The following PTPRZ1 variants were observed in gnomAD, a reference collection of about 807,000 sequenced individuals.
The protein encoded by PTPRZ1 is receptor-type tyrosine-protein phosphatase zeta.
Under a neutral mutation model 214.1 loss-of-function variants are expected in PTPRZ1, and 82 were observed. The ratio of observed to expected loss-of-function variants is 0.38; its 90% CI spans 0.32 to 0.46. The LOEUF is 0.46. Ranked by LOEUF, PTPRZ1 falls within the 20% of genes least tolerant of loss-of-function variation. The pLI is 1.00. For synonymous variants in PTPRZ1, 945 were observed against 987.9 expected (o/e 0.96, Z 0.81); for missense variants, 2,603 against 2,748.7 (o/e 0.95, Z 1.19).
At chr7:122,060,585 G>C (rs1177763638) in intron 29 of PTPRZ1, among the ~76,000 whole-genome samples, 1 of 152,170 alleles carries the variant, frequency 6.6e-6, no homozygotes, top group African/African-American at 2.4e-5. Flanking sequence ...GACCAGTTGG[G>C]CTGATAGAAT....
rs1011735384 is a variant in PTPRZ1 at position 121,892,663 on chromosome 7, A to C, written c.58+19106A>C. Among the ~76,000 whole-genome samples the C allele has an allele frequency of 3.2e-4, 44 of 139,114 alleles. 2 individuals carry two copies. In the East Asian group the frequency reaches 8.9e-3, roughly 28 times the overall value. 91.3% of individuals were successfully genotyped at this position (139,114 alleles called of 152,430 possible). On this transcript the variant is annotated intron_variant, in intron 1 of 29. Transcript: ENST00000393386. ...AATCATTCTGCCTGATATATCTTAG[A>C]GTTCTTCAAGCATCTCATATATATA...
At chr7:121,998,205 A>G (rs546158001) in intron 10 of PTPRZ1, among the ~76,000 whole-genome samples, 199 bp downstream of exon 10, 149 of 152,286 alleles carry the variant, frequency 9.8e-4, no homozygotes, top group African/African-American at 3.2e-3. Flanking sequence ...CAATAAGTAA[A>G]CTTATCCTTA....
chr7:121,935,433 G>T (rs1327147635), intron 2 of PTPRZ1, among the ~76,000 whole-genome samples: 5 of 152,106 alleles, frequency 3.3e-5, no homozygotes, highest in African/African-American at 9.7e-5. Flanking sequence ...TCTGGGCTTT[G>T]TGTAGGACGC....
At chr7:122,010,243 A>G (rs917909437) in intron 11 of PTPRZ1, 91 bp from the exon 12 acceptor site, 1 of 1,271,736 alleles carries the variant, frequency 7.9e-7, no homozygotes, top group Non-Finnish European at 1.1e-6. Context: ...TTCCCAAGAT[A>G]CCACAAGTGA....
rs949722546 is a variant in PTPRZ1, at chr7:122,059,898, A to G, written c.6807+10A>G. The G allele has an allele frequency of 2.4e-5, 39 of 1,604,996 alleles. No homozygotes were observed. Among genetic ancestry groups the G allele is most frequent in the Non-Finnish European group, 3.2e-5 (38 of 1,177,132 alleles). ...AGTCTTTGCTGACATTGTAAGTAACAAGGCAGTGAACGAAATTTTTCACTG... is the reference window on the plus strand; with the variant it reads ...AGTCTTTGCTGACATTGTAAGTAACGAGGCAGTGAACGAAATTTTTCACTG... On this transcript the variant is annotated intron_variant, in intron 29 of 29. Transcript: ENST00000393386.
chr7:121,928,171 ACT>A lies in PTPRZ1; in HGVS notation c.75_76del (p.Tyr25Ter), dbSNP rs1795819695. 1 of 1,612,040 alleles carries A rather than the reference ACT, an allele frequency of 6.2e-7. No homozygotes were observed. Among genetic ancestry groups the A allele is most frequent in the Admixed American group, 1.7e-5 (1 of 59,976 alleles). ...TTTTTTATAGATTGGGCTAATGGAT[ACT>A]ACAGACAACAGAGAAAACTTGTTGA... is the stretch of plus-strand genomic sequence containing the variant. On this transcript the variant is annotated stop_gained and frameshift_variant, in exon 2 of 30. Transcript: ENST00000393386. LOFTEE classifies it high-confidence loss of function.
At chr7:122,039,980 A>G (rs1356861831) in intron 20 of PTPRZ1, among the ~76,000 whole-genome samples, 1 of 149,000 alleles carries the variant, frequency 6.7e-6, no homozygotes, top group Non-Finnish European at 1.5e-5. Context: ...AGACTCTGTC[A>G]AAAAAAAAAG....
At chr7:121,957,676 A>C (rs887142500) in intron 2 of PTPRZ1, among the ~76,000 whole-genome samples, 1 of 152,174 alleles carries the variant, frequency 6.6e-6, no homozygotes, top group Non-Finnish European at 1.5e-5. Context: ...TTTAATTTGC[A>C]CAGTCTGAGA....
intron 2 of PTPRZ1, among the ~76,000 whole-genome samples, chr7:121,929,363 A>T (rs1022834194): frequency 2.6e-5 from 4 of 151,972 alleles, no homozygotes; most frequent in Non-Finnish European, 5.9e-5. Context: ...CCATTGAATA[A>T]TTTTTTTATT....
In PTPRZ1 at chr7:121,966,767, TTAGA is replaced by T. The variant is rs944674940; in HGVS notation, c.125-1179_125-1176del. On this transcript the variant is annotated intron_variant, in intron 2 of 29. Coordinates refer to ENST00000393386, the MANE Select transcript of PTPRZ1 (RefSeq NM_002851.3). ...TTCATCACATTGTGAGAGGTGGCCA[TTAGA>T]TAGAGCTTGCATAAAAGTTAGTTCT... 2.0e-5 allele frequency among the ~76,000 whole-genome samples: 3 copies of T among 152,292 alleles called. No individual in the cohort carries two copies. In the East Asian group the frequency reaches 5.8e-4, roughly 29 times the overall value.
At chr7:122,017,558 T>TATTTATTC (rs1319528619) in intron 12 of PTPRZ1, among the ~76,000 whole-genome samples, 5 of 150,078 alleles carry the variant, frequency 3.3e-5, no homozygotes, top group African/African-American at 4.9e-5. Flanking sequence ...TTTATTTATT[T>TATTTATTC]ATTTATTTAT....
At chr7:122,031,436 A>G (rs1799367799) in intron 14 of PTPRZ1, 38 bp from the exon 15 acceptor site, 2 of 1,460,672 alleles carry the variant, frequency 1.4e-6, no homozygotes, top group Admixed American at 1.7e-5. Flanking sequence ...TATTTCTGTT[A>G]AATTATGCTC....
intron 1 of PTPRZ1, among the ~76,000 whole-genome samples, chr7:121,927,279 G>A (rs2116368652): frequency 6.6e-6 from 1 of 152,258 alleles, no homozygotes; most frequent in Non-Finnish European, 1.5e-5. Context: ...ATCCTGCAAA[G>A]ATTTATTTTA....
chr7:121,908,268 T>C (rs1795173626), intron 1 of PTPRZ1, among the ~76,000 whole-genome samples: 1 of 152,104 alleles, frequency 6.6e-6, no homozygotes, highest in African/African-American at 2.4e-5. Context: ...AGGTCACCTG[T>C]TGTCAACTCC....
chr7:121,914,079 C>T (rs563885529), intron 1 of PTPRZ1, among the ~76,000 whole-genome samples: 5 of 152,124 alleles, frequency 3.3e-5, no homozygotes, highest in Non-Finnish European at 7.4e-5. Flanking sequence ...TTTTGGAGGC[C>T]GAGGCGAGCA....
At chr7:121,957,553 A>ACAC (rs1189395095) in intron 2 of PTPRZ1, among the ~76,000 whole-genome samples, 1 of 152,126 alleles carries the variant, frequency 6.6e-6, no homozygotes, top group East Asian at 1.9e-4. Flanking sequence ...GCCTATTCTC[A>ACAC]CACCTGCTCC....
intron 13 of PTPRZ1, among the ~76,000 whole-genome samples, chr7:122,024,381 C>T (rs1584754023): frequency 6.6e-6 from 1 of 151,798 alleles, no homozygotes; most frequent in East Asian, 1.9e-4. Flanking sequence ...ATTGTTTTGG[C>T]TGGGGGTAGG....
Position 121,972,564 on chromosome 7 carries a change from T to A in PTPRZ1, c.328T>A (p.Tyr110Asn). The change falls in exon 4 of 30, where the codon TAC becomes AAC. Residue 110 changes from tyrosine (Y) to asparagine (N), a missense_variant. Around this residue, in one of 6 missense-constraint regions of PTPRZ1, gnomAD observed 141 missense variants for 143.7 expected, o/e 0.98. Coordinates refer to ENST00000393386, the MANE Select transcript of PTPRZ1 (RefSeq NM_002851.3). Reference sequence around the variant, plus strand: ...AGTGGAAATTAATCTCACTAATGACTACCGTGTCAGCGGAGGAGTTTCAGA... The same window carrying A: ...AGTGGAAATTAATCTCACTAATGACAACCGTGTCAGCGGAGGAGTTTCAGA... ...KTVEINLTND[Y>N]RVSGGVSEMV... The A allele has an allele frequency of 6.2e-7, 1 of 1,611,282 alleles. No individual in the cohort carries two copies. The highest frequency in any genetic ancestry group is 8.5e-7 in the Non-Finnish European group (1 of 1,178,924).
At chr7:121,970,110 G>A (rs975671306) in intron 3 of PTPRZ1, among the ~76,000 whole-genome samples, 7 of 151,910 alleles carry the variant, frequency 4.6e-5, no homozygotes, top group African/African-American at 1.5e-4. Flanking sequence ...CTTCATCCAT[G>A]TCCCTACAAA....
Sources: allele counts gnomAD v4.1 joint callset (sites outside exome capture counted in the v4.1 genomes callset), GRCh38; gene constraint gnomAD v4.1.1; regional missense constraint gnomAD v4.1.1; transcripts MANE v1.5; gene names NCBI Gene and HGNC (gene_info 2026-07-23, HGNC 2026-07-21).